Variants in TIMP2 observed in about 807,000 individuals in gnomAD.
TIMP2 encodes the protein metalloproteinase inhibitor 2.
Under a neutral mutation model 24.3 loss-of-function variants are expected in TIMP2, and 5 were observed. The ratio of observed to expected loss-of-function variants is 0.21; its 90% CI spans 0.11 to 0.43. TIMP2 has a LOEUF of 0.43. TIMP2 is among the 20% of genes least tolerant of loss of function. TIMP2 has a pLI of 1.00. For missense variants in TIMP2, 221 were observed against 297.5 expected (o/e 0.74, Z 1.89); for synonymous variants, 130 against 123.2 (o/e 1.06, Z -0.37).
At chr17:78,863,007 T>G (rs1261575838) in intron 3 of TIMP2, among the ~76,000 whole-genome samples, 1 of 152,236 alleles carries the variant, frequency 6.6e-6, no homozygotes, top group African/African-American at 2.4e-5. Context: ...TTGCAGATAG[T>G]GCGGTAATGA....
At position 78,891,007 on chromosome 17, in the gene TIMP2, C is replaced by T. The variant is rs201766633; in HGVS notation, c.131-17088G>A. 776 of 1,551,138 alleles carry T rather than the reference C, an allele frequency of 5.0e-4. No individual in the cohort carries two copies. The highest frequency in any genetic ancestry group is 6.1e-4 in the Non-Finnish European group (702 of 1,147,132). ...CTGCTTTCTGCCTTTGCCTGGATGC[C>T]GTCGAGCCCACTCTGTCTGCCTGGT... On this transcript the variant is annotated intron_variant, in intron 1 of 4. Coordinates refer to ENST00000262768, the MANE Select transcript of TIMP2 (RefSeq NM_003255.5). This position sits in a 1 kb window ranked among gnomAD's most constrained non-coding sequence, Gnocchi z 4.5.
chr17:78,914,196 C>T (rs2070234033), intron 1 of TIMP2, among the ~76,000 whole-genome samples: 1 of 152,066 alleles, frequency 6.6e-6, no homozygotes, highest in Non-Finnish European at 1.5e-5. Context: ...AGGTTATAAC[C>T]CAATGTTTTA....
At chr17:78,872,107 G>A (rs891675063) in intron 2 of TIMP2, among the ~76,000 whole-genome samples, 1 of 150,656 alleles carries the variant, frequency 6.6e-6, no homozygotes, top group Non-Finnish European at 1.5e-5. Flanking sequence ...TCCCACCTCA[G>A]CCTCCCGAGT....
At chr17:78,918,084 A>ACACACGCG (rs1159236733) in intron 1 of TIMP2, among the ~76,000 whole-genome samples, 5 of 129,104 alleles carry the variant, frequency 3.9e-5, no homozygotes, top group African/African-American at 1.3e-4. Flanking sequence ...ACACACACAC[A>ACACACGCG]CACACACACA....
At chr17:78,863,839 T>C (rs1410948184) in intron 3 of TIMP2, among the ~76,000 whole-genome samples, 1 of 152,132 alleles carries the variant, frequency 6.6e-6, no homozygotes, top group Non-Finnish European at 1.5e-5. Context: ...GTGATCATCA[T>C]TTCTGGTCTC....
chr17:78,875,181 G>A (rs942558297), intron 1 of TIMP2, among the ~76,000 whole-genome samples: 2 of 152,168 alleles, frequency 1.3e-5, no homozygotes, highest in African/African-American at 4.8e-5. Flanking sequence ...CCCAGCCTGG[G>A]TGATTCTTTA....
intron 1 of TIMP2, among the ~76,000 whole-genome samples, chr17:78,880,835 C>T (rs1304688351): frequency 6.6e-6 from 1 of 152,248 alleles, no homozygotes; most frequent in Non-Finnish European, 1.5e-5. Context: ...CCATATAGAA[C>T]ATTTTCCACT....
At chr17:78,915,454 G>A (rs4789934) in intron 1 of TIMP2, among the ~76,000 whole-genome samples, 145,460 of 152,032 alleles carry the variant, frequency 0.96, 69,612 homozygotes, top group African/African-American at 0.97. Flanking sequence ...CCCCAAGCCA[G>A]TATCAGTCTG....
intron 1 of TIMP2, among the ~76,000 whole-genome samples, chr17:78,923,676 T>C (rs532853981): frequency 1.7e-5 from 1 of 57,162 alleles, no homozygotes; most frequent in East Asian, 4.1e-4. Context: ...AACTGGGTTT[T>C]GTGGAAACTG....
intron 1 of TIMP2, among the ~76,000 whole-genome samples, chr17:78,894,832 T>C (rs566502765): frequency 3.3e-5 from 5 of 152,112 alleles, no homozygotes; most frequent in Non-Finnish European, 4.4e-5. Flanking sequence ...AAAAAAAACC[T>C]TTGTGCTTCA....
At chr17:78,890,731 G>T in intron 1 of TIMP2, 1 of 1,550,632 alleles carries the variant, frequency 6.4e-7, no homozygotes. Flanking sequence ...GCTGCTGCTG[G>T]TCTCGGATCA....
At chr17:78,880,027 C>T (rs1599153581) in intron 1 of TIMP2, among the ~76,000 whole-genome samples, 1 of 151,844 alleles carries the variant, frequency 6.6e-6, no homozygotes, top group African/African-American at 2.4e-5. Context: ...CATCAGAGGC[C>T]GGACCGGCTG....
chr17:78,887,469 C>T (rs1184048395), intron 1 of TIMP2, among the ~76,000 whole-genome samples: 1 of 152,202 alleles, frequency 6.6e-6, no homozygotes, highest in Non-Finnish European at 1.5e-5. Context: ...ACTGCAACCT[C>T]CGCCTCCTGG....
At chr17:78,879,440 A>T (rs2069758965) in intron 1 of TIMP2, among the ~76,000 whole-genome samples, 1 of 152,180 alleles carries the variant, frequency 6.6e-6, no homozygotes, top group African/African-American at 2.4e-5. Context: ...TCTGGGAAGA[A>T]ATGAAAATTG....
At position 78,900,080 on chromosome 17, in the gene TIMP2, A is replaced by C. The variant is rs550447381; in HGVS notation, c.130+24879T>G. The C allele has an allele frequency of 2.0e-5, 3 of 152,140 alleles. No individual in the cohort carries two copies. The East Asian group carries it at 5.8e-4, about 29-fold the overall frequency. The allele number at this position is 152,140 out of a possible 1,614,324, so 9.4% of individuals were successfully genotyped here. ...ATTTTGGATTGTCTTTGGGATGATAATATAGGAAATCCCTCGAGGGCTTTT... is the reference window on the plus strand; with the variant it reads ...ATTTTGGATTGTCTTTGGGATGATACTATAGGAAATCCCTCGAGGGCTTTT... On this transcript the variant is annotated intron_variant, in intron 1 of 4. Coordinates refer to ENST00000262768, the MANE Select transcript of TIMP2 (RefSeq NM_003255.5).
In TIMP2 at chr17:78,920,023, C is replaced by T. The variant is rs1311278865; in HGVS notation, c.130+4936G>A. On this transcript the variant is annotated intron_variant, in intron 1 of 4. Coordinates refer to ENST00000262768, the MANE Select transcript of TIMP2 (RefSeq NM_003255.5). The surrounding 1 kb of genome is among the most constrained non-coding windows in gnomAD (Gnocchi z 4.5). ...TATCTCCTCCTCCCTGCTGTTGCATCCCTCCTCGCAGCTGCCTGGGAAGCC... is the reference window on the plus strand; with the variant it reads ...TATCTCCTCCTCCCTGCTGTTGCATTCCTCCTCGCAGCTGCCTGGGAAGCC... 1.3e-5 allele frequency among the ~76,000 whole-genome samples: 2 copies of T among 152,286 alleles called. No individual in the cohort carries two copies. The highest frequency in any genetic ancestry group is 2.4e-5 in the African/African-American group (1 of 41,570).
chr17:78,873,079 C>T (rs191664771), intron 2 of TIMP2, among the ~76,000 whole-genome samples: 2 of 152,160 alleles, frequency 1.3e-5, no homozygotes, highest in African/African-American at 4.8e-5. Flanking sequence ...GATCCACTCA[C>T]CTGGGACTAT....
At chr17:78,914,031 G>T (rs965958759) in intron 1 of TIMP2, among the ~76,000 whole-genome samples, 1 of 152,034 alleles carries the variant, frequency 6.6e-6, no homozygotes, top group Admixed American at 6.6e-5. Flanking sequence ...CATTTGGGAC[G>T]TGAATGGAGA....
intron 1 of TIMP2, among the ~76,000 whole-genome samples, chr17:78,889,148 C>T (rs557186490): frequency 6.6e-6 from 1 of 152,350 alleles, no homozygotes; most frequent in Admixed American, 6.5e-5. Flanking sequence ...ACCACGGGGG[C>T]TGCACAGCTG....
Sources: gnomAD v4.1 joint callset for allele counts (sites outside exome capture counted in the v4.1 genomes callset) on GRCh38, gnomAD v4.1.1 for gene constraint, Gnocchi (gnomAD v3.1) non-coding constraint, MANE v1.5 for transcripts, NCBI Gene and HGNC (gene_info 2026-07-23, HGNC 2026-07-21) for gene names.